Variants in CDKAL1 observed in about 807,000 individuals in gnomAD.
CDKAL1 encodes threonylcarbamoyladenosine tRNA methylthiotransferase.
In CDKAL1, 32 loss-of-function variants were observed where a neutral mutation model predicts 68.2. The ratio of observed to expected loss-of-function variants is 0.47; its 90% CI spans 0.35 to 0.63. CDKAL1 has a LOEUF of 0.63. Ranked by LOEUF, CDKAL1 falls within the 30% of genes least tolerant of loss-of-function variation. The probability of loss-of-function intolerance (pLI) is 0.00; values close to 1 mark genes in which losing one functional copy is unlikely to be tolerated. For missense variants in CDKAL1, 606 were observed against 696.7 expected (o/e 0.87, Z 1.47); for synonymous variants, 234 against 244.3 (o/e 0.96, Z 0.39).
chr6:21,189,160 A>G (rs1006414539), intron 13 of CDKAL1, among the ~76,000 whole-genome samples: 14 of 152,166 alleles, frequency 9.2e-5, no homozygotes, highest in Admixed American at 8.5e-4. Context: ...GCACAAGGAG[A>G]TTCTTGTTAG....
At chr6:21,184,447 G>A (rs1353099456) in intron 13 of CDKAL1, among the ~76,000 whole-genome samples, 1 of 151,284 alleles carries the variant, frequency 6.6e-6, no homozygotes, top group Non-Finnish European at 1.5e-5. Context: ...AACCCACCTC[G>A]GCCTGCCCAA....
intron 4 of CDKAL1, among the ~76,000 whole-genome samples, chr6:20,595,564 CA>C (rs1765783938): frequency 6.6e-6 from 1 of 152,018 alleles, no homozygotes; most frequent in Non-Finnish European, 1.5e-5. Context: ...TTCTAGTTAG[CA>C]ATTCCTCTCA....
rs921214711 is a variant in CDKAL1, at chr6:20,918,565, G to A, written c.743-36854G>A. Among the ~76,000 whole-genome samples the A allele has an allele frequency of 5.3e-5, 8 of 152,184 alleles. No individual in the cohort carries two copies. The South Asian group carries it at 1.2e-3, about 24-fold the overall frequency. Reference sequence around the variant, plus strand: ...TCTTGTACATCACAAAAAGCATGAAGAAGAATAAAACATACACATTCTATG... The same window carrying A: ...TCTTGTACATCACAAAAAGCATGAAAAAGAATAAAACATACACATTCTATG... On this transcript the variant is annotated intron_variant, in intron 9 of 15. Coordinates refer to ENST00000274695, the MANE Select transcript of CDKAL1 (RefSeq NM_017774.3).
At chr6:20,898,270 C>T (rs1273394280) in intron 9 of CDKAL1, among the ~76,000 whole-genome samples, 2 of 151,416 alleles carry the variant, frequency 1.3e-5, no homozygotes, top group Non-Finnish European at 2.9e-5. Flanking sequence ...TAGATACTCT[C>T]CTGGTCCTTA....
chr6:20,853,962 A>G (rs550632915), intron 9 of CDKAL1, among the ~76,000 whole-genome samples: 27 of 152,328 alleles, frequency 1.8e-4, no homozygotes, highest in African/African-American at 6.5e-4. Context: ...GATGGTTTCA[A>G]AGTCCAAAGG....
chr6:20,552,750 A>C (rs994493756), intron 4 of CDKAL1, among the ~76,000 whole-genome samples: 1 of 152,026 alleles, frequency 6.6e-6, no homozygotes, highest in Non-Finnish European at 1.5e-5. Context: ...CCTGGCTTGC[A>C]TGCAGCAGAC....
intron 8 of CDKAL1, among the ~76,000 whole-genome samples, chr6:20,783,679 T>G (rs1005806557): frequency 2.6e-5 from 4 of 152,186 alleles, no homozygotes; most frequent in African/African-American, 9.7e-5. Context: ...CACTCTAATT[T>G]GTGTCCACAA....
intron 13 of CDKAL1, among the ~76,000 whole-genome samples, chr6:21,176,829 G>C (rs1777603561): frequency 6.6e-6 from 1 of 151,306 alleles, no homozygotes; most frequent in South Asian, 2.1e-4. Context: ...TGAGTAGCTG[G>C]GATTACAGGC....
chr6:20,948,204 A>G (rs1367725939), intron 9 of CDKAL1, among the ~76,000 whole-genome samples: 1 of 151,812 alleles, frequency 6.6e-6, no homozygotes, highest in Non-Finnish European at 1.5e-5. Flanking sequence ...TTTTGTAGAG[A>G]TAGGGTCTTG....
intron 8 of CDKAL1, among the ~76,000 whole-genome samples, chr6:20,844,966 A>G (rs1778322700): frequency 6.6e-6 from 1 of 152,182 alleles, no homozygotes; most frequent in Non-Finnish European, 1.5e-5. Flanking sequence ...GCAGTTCAAG[A>G]TTATGTGGTC....
chr6:20,685,054 G>A (rs1338867111), intron 5 of CDKAL1, among the ~76,000 whole-genome samples: 1 of 151,998 alleles, frequency 6.6e-6, no homozygotes, highest in Non-Finnish European at 1.5e-5. Context: ...TGCCTTTTGT[G>A]TAATATCTAA....
At chr6:21,159,218 C>T (rs1005145794) in intron 13 of CDKAL1, among the ~76,000 whole-genome samples, 1 of 150,870 alleles carries the variant, frequency 6.6e-6, no homozygotes, top group African/African-American at 2.4e-5. Context: ...AAATATATTT[C>T]CAGGATGGAA....
intron 2 of CDKAL1, among the ~76,000 whole-genome samples, chr6:20,541,723 C>T (rs1013063699): frequency 1.1e-4 from 16 of 152,134 alleles, no homozygotes; most frequent in South Asian, 4.2e-4. Context: ...TGCAATGGCG[C>T]GATCTCGGCT....
At chr6:21,200,159 T>C (rs1459047) in intron 14 of CDKAL1, among the ~76,000 whole-genome samples, 9,185 of 152,192 alleles carry the variant, frequency 0.06, 467 homozygotes, top group South Asian at 0.23. Flanking sequence ...AAAATAGAAG[T>C]GTAAGGGAGA....
chr6:20,765,531 G>A (rs1190597381), intron 7 of CDKAL1, among the ~76,000 whole-genome samples: 5 of 151,962 alleles, frequency 3.3e-5, no homozygotes, highest in Non-Finnish European at 5.9e-5. Flanking sequence ...GTTTCCCCAC[G>A]TTAACAATAG....
chr6:21,138,626 A>G (rs1296497603), intron 13 of CDKAL1, among the ~76,000 whole-genome samples: 6 of 151,992 alleles, frequency 3.9e-5, no homozygotes, highest in Admixed American at 6.6e-5. Flanking sequence ...TCTCTTGCCT[A>G]TTTCCTTTCC....
intron 12 of CDKAL1, among the ~76,000 whole-genome samples, chr6:21,076,197 G>T (rs1004381568): frequency 3.9e-5 from 6 of 152,166 alleles, no homozygotes; most frequent in African/African-American, 1.4e-4. Context: ...GATTTTCCTT[G>T]TGAGGAATTA....
At chr6:20,817,033 A>C (rs1777076182) in intron 8 of CDKAL1, among the ~76,000 whole-genome samples, 1 of 152,254 alleles carries the variant, frequency 6.6e-6, no homozygotes, top group East Asian at 1.9e-4. Flanking sequence ...GCACTGCGCT[A>C]TGTTGCATAT....
Position 20,836,676 on chromosome 6 carries a change from T to C in CDKAL1, c.639-9399T>C, listed in dbSNP as rs115728030. Among the ~76,000 whole-genome samples the C allele has an allele frequency of 4.8e-3, 725 of 152,314 alleles. 2 individuals are homozygous for C. The highest frequency in any genetic ancestry group is 0.016 in the African/African-American group (673 of 41,566). On this transcript the variant is annotated intron_variant, in intron 8 of 15. Transcript: ENST00000274695. ...TGTTTCTGAAAACAGCACAATTCTT[T>C]ATAAAGGAATATACATTCCTTTAAA... is the stretch of plus-strand genomic sequence containing the variant.
Sources: gnomAD v4.1 joint callset for allele counts (sites outside exome capture counted in the v4.1 genomes callset) on GRCh38, gnomAD v4.1.1 for gene constraint, MANE v1.5 for transcripts, NCBI Gene and HGNC (gene_info 2026-07-23, HGNC 2026-07-21) for gene names.